NDUFS8: variants seen among roughly 807,000 people sequenced by gnomAD.
NDUFS8 encodes the protein NADH:ubiquinone oxidoreductase core subunit S8.
A neutral mutation model predicts 25.6 loss-of-function variants in NDUFS8; 13 were observed. That is an observed-to-expected ratio of 0.51 (90% CI 0.33 to 0.81). The LOEUF (loss-of-function observed/expected upper bound fraction) is 0.81, where lower values mean the gene tolerates loss of function less well. Among genes scored for constraint, NDUFS8 ranks in the 30% least tolerant of loss-of-function variants. The pLI, the probability that NDUFS8 is intolerant of heterozygous loss-of-function variation, is 0.02. For synonymous variants in NDUFS8, 119 were observed against 119.4 expected (o/e 1.00, Z 0.02); for missense variants, 257 against 300.9 (o/e 0.85, Z 1.08).
At position 68,033,664 on chromosome 11, in the gene NDUFS8, G is replaced by A. The variant is rs540726333; in HGVS notation, c.372+381G>A. The stretch of plus-strand genomic sequence containing the variant: ...CCTGTTGCAGCTTCCCTTCCCCAGT[G>A]GCTGCTCCCCTGAGGCCCGGCTTTC... On this transcript the variant is annotated intron_variant, in intron 5 of 6. Transcript: ENST00000313468. 4.3e-4 allele frequency: 143 copies of A among 333,276 alleles called. 1 individual carries two copies. The highest frequency in any genetic ancestry group is 1.5e-4 in the East Asian group (2 of 13,314). 20.6% of individuals were successfully genotyped at this position (333,276 alleles called of 1,614,324 possible). A position where few individuals can be genotyped will look rare whatever the true frequency, so the allele number is the denominator to read the frequency against.
chr11:68,032,862 G>A (rs777805077), intron 3 of NDUFS8, 61 bp from the exon 4 acceptor site: 9 of 1,512,090 alleles, frequency 6.0e-6, no homozygotes, highest in African/African-American at 1.4e-5. Flanking sequence ...CTCTCCCTGA[G>A]GCTCCAGGGA....
intron 5 of NDUFS8, chr11:68,034,387 T>C (rs1854838831): frequency 6.6e-6 from 1 of 152,166 alleles, no homozygotes; most frequent in African/African-American, 2.4e-5. Flanking sequence ...ATCCATCAAA[T>C]GGAGAGAAGT....
intron 5 of NDUFS8, chr11:68,035,794 C>T (rs1202483934): frequency 1.6e-5 from 7 of 443,584 alleles, no homozygotes; most frequent in African/African-American, 2.0e-5. Flanking sequence ...CCAAGGTAAG[C>T]GGATCACAAG....
chr11:68,035,595 C>T (rs910261839), intron 5 of NDUFS8: 9 of 321,000 alleles, frequency 2.8e-5, no homozygotes, highest in Non-Finnish European at 5.8e-5. Context: ...CTTGGTGAGG[C>T]GAGGCGGGAC....
rs549490599 is a variant in NDUFS8 at position 68,032,600 on chromosome 11, C to A, written c.109+264C>A. 10 of 1,262,454 alleles carry A rather than the reference C, an allele frequency of 7.9e-6. No homozygotes were observed. In the Admixed American group the frequency reaches 2.3e-4, roughly 29 times the overall value. 78.2% of individuals were successfully genotyped at this position (1,262,454 alleles called of 1,614,324 possible). On this transcript the variant is annotated intron_variant, in intron 3 of 6. Coordinates refer to ENST00000313468, the MANE Select transcript of NDUFS8 (RefSeq NM_002496.4). ...CAGGTGTGAGCCATGGGTACCTGTG[C>A]CTATTGCCAGTCCCTGGTGAAGGCA...
chr11:68,033,334 G>C, intron 5 of NDUFS8, 51 bp downstream of exon 5: 2 of 1,572,056 alleles, frequency 1.3e-6, no homozygotes, highest in Non-Finnish European at 1.7e-6. Context: ...CACTGGGAGA[G>C]GGAGGCCAGG....
In NDUFS8 at chr11:68,032,912, C is replaced by T. The variant is rs762778582; in HGVS notation, c.110-11C>T. On this transcript the variant is annotated splice_polypyrimidine_tract_variant and intron_variant, in intron 3 of 6. Transcript: ENST00000313468. ...CCTCTTGCCATGGCCTCCCTGCCCG[C>T]CTCTCTGCAGAGTATGTGAACATGC... 5.9e-5 allele frequency: 96 copies of T among 1,613,498 alleles called. No individual in the cohort carries two copies. The highest frequency in any genetic ancestry group is 1.2e-4 in the Admixed American group (7 of 60,004).
intron 1 of NDUFS8, among the ~76,000 whole-genome samples, chr11:68,031,928 T>C (rs576028565): frequency 3.9e-5 from 6 of 152,308 alleles, no homozygotes; most frequent in African/African-American, 1.4e-4. Context: ...GAGGCAGAAC[T>C]TGGGGTCCAC....
chr11:68,033,401 T>TC, intron 5 of NDUFS8, 118 bp downstream of exon 5: 2 of 1,233,548 alleles, frequency 1.6e-6, no homozygotes, highest in Non-Finnish European at 1.1e-6. Flanking sequence ...GAAGTCCCTT[T>TC]CCCCCTCTGA....
chr11:68,033,750 T>C (rs548501805), intron 5 of NDUFS8: 5 of 239,788 alleles, frequency 2.1e-5, no homozygotes, highest in Non-Finnish European at 4.2e-5. Context: ...ACGGGAACAA[T>C]ATGACTCGGT....
intron 2 of NDUFS8, 26 bp from the exon 3 acceptor site, chr11:68,032,260 A>G (rs1010972536): frequency 6.2e-7 from 1 of 1,613,704 alleles, no homozygotes; most frequent in Non-Finnish European, 8.5e-7. Context: ...GTCTCCTGGT[A>G]TGACGTCACG....
intron 5 of NDUFS8, chr11:68,035,691 G>T (rs1854872042): frequency 6.6e-6 from 3 of 455,254 alleles, no homozygotes. Context: ...CCTCGTGAGA[G>T]GGGGTTCTTG....
rs756569292 is a variant in NDUFS8 at position 68,033,266 on chromosome 11, G to A, written c.355G>A (p.Ala119Thr). The A allele has an allele frequency of 3.9e-5, 62 of 1,606,804 alleles. No homozygotes were observed. Among genetic ancestry groups the A allele is most frequent in the Non-Finnish European group, 5.0e-5 (59 of 1,178,484 alleles). ...ERCIACKLCE[A>T]ICPAQAITIE... Reference sequence around the variant, plus strand: ...TTGCATTGCCTGCAAGCTCTGCGAGGCCATCTGCCCCGCCCAGGTGAGCCC... The same window carrying A: ...TTGCATTGCCTGCAAGCTCTGCGAGACCATCTGCCCCGCCCAGGTGAGCCC... The change falls in exon 5 of 7, where the codon GCC (alanine) becomes ACC (threonine). Residue 119 changes from alanine to threonine, a missense_variant. By Grantham distance (58) the Ala-to-Thr change is moderately conservative. Transcript: ENST00000313468.
At chr11:68,032,460 T>G in intron 3 of NDUFS8, 124 bp downstream of exon 3, 3 of 1,558,576 alleles carry the variant, frequency 1.9e-6, no homozygotes, top group Middle Eastern at 4.6e-4. Context: ...GTTTCCACTT[T>G]TAAAATGATT....
chr11:68,034,569 T>C (rs907154415), intron 5 of NDUFS8: 2 of 152,254 alleles, frequency 1.3e-5, no homozygotes, highest in Middle Eastern at 3.4e-3. Context: ...TTCCAGCACT[T>C]TGAGAAGCCG....
At position 68,036,544 on chromosome 11, in the gene NDUFS8, G is replaced by C; in HGVS notation, c.584G>C (p.Trp195Ser). 1 of 1,614,072 alleles carries C rather than the reference G, an allele frequency of 6.2e-7. No individual in the cohort carries two copies. The highest frequency in any genetic ancestry group is 1.3e-5 in the African/African-American group (1 of 75,030). Residue 195 changes from tryptophan (W) to serine (S), a missense_variant, in exon 7 of 7, where the codon TGG becomes TCG. Coordinates refer to ENST00000313468, the MANE Select transcript of NDUFS8 (RefSeq NM_002496.4). ...AAGTTGCTCAACAACGGGGACAAGTGGGAGGCCGAGATCGCCGCCAACATC... is the reference window on the plus strand; with the variant it reads ...AAGTTGCTCAACAACGGGGACAAGTCGGAGGCCGAGATCGCCGCCAACATC... ...KEKLLNNGDK[W>S]EAEIAANIQA...
intron 1 of NDUFS8, 115 bp from the exon 2 acceptor site, chr11:68,032,037 G>A (rs1854775359): frequency 2.0e-6 from 3 of 1,476,224 alleles, no homozygotes; most frequent in Non-Finnish European, 2.8e-6. Flanking sequence ...AATGGGGTGC[G>A]AGTAGAGGGC....
At chr11:68,030,813 C>A in intron 1 of NDUFS8, 80 bp downstream of exon 1, 1 of 387,928 alleles carries the variant, frequency 2.6e-6, no homozygotes, top group Non-Finnish European at 5.2e-6. Flanking sequence ...CCCGTTGGCG[C>A]CGCCAGCTCT....
chr11:68,031,285 C>G (rs1039077094), intron 1 of NDUFS8: 1 of 160,710 alleles, frequency 6.2e-6, no homozygotes, highest in East Asian at 1.9e-4. Context: ...GAGTTTCCAG[C>G]AGGGCAGGGC....
Sources: gnomAD v4.1 joint callset for allele counts (sites outside exome capture counted in the v4.1 genomes callset) on GRCh38, gnomAD v4.1.1 for gene constraint, MANE v1.5 for transcripts, NCBI Gene and HGNC (gene_info 2026-07-23, HGNC 2026-07-21) for gene names.